APLF: variants seen among roughly 807,000 people sequenced by gnomAD.
APLF encodes aprataxin and PNK-like factor.
A neutral mutation model predicts 55.6 loss-of-function variants in APLF; 61 were observed. The observed-to-expected ratio is 1.10, with a 90% confidence interval of 0.89 to 1.36. The LOEUF (loss-of-function observed/expected upper bound fraction) is 1.36. APLF is among the 40% of genes most tolerant of loss of function. The pLI, the probability that APLF is intolerant of heterozygous loss-of-function variation, is 0.00. For synonymous variants in APLF, 207 were observed against 214.8 expected, an observed-to-expected ratio of 0.96 and a Z score of 0.32; for missense variants, 611 against 602.5, an observed-to-expected ratio of 1.01 and a Z score of -0.15.
chr2:68,513,328 G>A, intron 4 of APLF, 101 bp downstream of exon 4: 2 of 1,371,472 alleles, frequency 1.5e-6, no homozygotes, highest in East Asian at 2.4e-5. Context: ...AATATTGCCA[G>A]CATTTATCTA....
At chr2:68,489,480 C>A (rs1247165233) in intron 1 of APLF, among the ~76,000 whole-genome samples, 1 of 152,228 alleles carries the variant, frequency 6.6e-6, no homozygotes, top group Non-Finnish European at 1.5e-5. Flanking sequence ...TTGATTGGCA[C>A]TGTCAGCATT....
intron 8 of APLF, among the ~76,000 whole-genome samples, chr2:68,554,233 T>C (rs1670945891): frequency 1.3e-5 from 2 of 152,058 alleles, no homozygotes; most frequent in Admixed American, 1.3e-4. Flanking sequence ...ATGTATACCA[T>C]AGTAAAAATA....
chr2:68,544,642 C>T (rs1178752214), intron 7 of APLF, among the ~76,000 whole-genome samples: 1 of 152,076 alleles, frequency 6.6e-6, no homozygotes, highest in African/African-American at 2.4e-5. Flanking sequence ...CAAAAGCTCT[C>T]TGGAGTTTTA....
intron 5 of APLF, among the ~76,000 whole-genome samples, chr2:68,525,389 A>G (rs1670009903): frequency 6.6e-6 from 1 of 152,190 alleles, no homozygotes; most frequent in African/African-American, 2.4e-5. Flanking sequence ...GGATAGCTAT[A>G]AGTCAGATTT....
intron 1 of APLF, among the ~76,000 whole-genome samples, chr2:68,471,841 C>T (rs1345243939): frequency 6.6e-6 from 1 of 152,008 alleles, no homozygotes; most frequent in Non-Finnish European, 1.5e-5. Context: ...TTATTCTGAG[C>T]CAAATATGAG....
intron 9 of APLF, among the ~76,000 whole-genome samples, chr2:68,567,849 G>A (rs1269417570): frequency 1.3e-5 from 2 of 152,202 alleles, no homozygotes; most frequent in East Asian, 1.9e-4. Flanking sequence ...GGGACTTTAT[G>A]TGTCCTTATT....
intron 8 of APLF, among the ~76,000 whole-genome samples, chr2:68,557,940 G>A (rs1198691861): frequency 6.6e-6 from 1 of 151,466 alleles, no homozygotes; most frequent in Non-Finnish European, 1.5e-5. Context: ...AAAGTTGATA[G>A]CACCTTAATC....
At chr2:68,560,147 AT>A (rs1437230243) in intron 8 of APLF, among the ~76,000 whole-genome samples, 1 of 151,978 alleles carries the variant, frequency 6.6e-6, no homozygotes, top group East Asian at 1.9e-4. Flanking sequence ...ATCACTCTCT[AT>A]ATCCTTCTCT....
intron 1 of APLF, among the ~76,000 whole-genome samples, chr2:68,470,575 A>T (rs920079433): frequency 2.0e-5 from 3 of 152,226 alleles, no homozygotes; most frequent in Non-Finnish European, 4.4e-5. Flanking sequence ...ACAGTACGAC[A>T]TGTCAAGCAC....
At chr2:68,559,711 C>G (rs889069955) in intron 8 of APLF, among the ~76,000 whole-genome samples, 1 of 152,124 alleles carries the variant, frequency 6.6e-6, no homozygotes, top group Non-Finnish European at 1.5e-5. Context: ...CTCTACCACC[C>G]CAGTCATAAC....
intron 5 of APLF, among the ~76,000 whole-genome samples, chr2:68,519,048 A>ATATAATATATTAT (rs1669801960): frequency 1.2e-4 from 15 of 127,738 alleles, no homozygotes; most frequent in South Asian, 2.2e-4. Flanking sequence ...ATATAATAAT[A>ATATAATATATTAT]TAATATATAA....
At chr2:68,568,330 A>G in intron 9 of APLF, 3 of 984,292 alleles carry the variant, frequency 3.0e-6, no homozygotes, top group Non-Finnish European at 3.6e-6. Context: ...ATGTGCATAC[A>G]AACAGCTGAC....
intron 8 of APLF, among the ~76,000 whole-genome samples, chr2:68,551,603 C>CTTTT (rs70954311): frequency 3.5e-4 from 41 of 115,748 alleles, no homozygotes; most frequent in African/African-American, 8.8e-4. Flanking sequence ...TCTTCTTCTT[C>CTTTT]TTTTTTTTTT....
At chr2:68,545,395 A>C in intron 8 of APLF, 83 bp downstream of exon 8, 1 of 1,443,158 alleles carries the variant, frequency 6.9e-7, no homozygotes, top group Non-Finnish European at 9.2e-7. Context: ...GCAGCTTGTT[A>C]TCTCAAGCCT....
chr2:68,519,678 G>GTATA (rs112217560), intron 5 of APLF, among the ~76,000 whole-genome samples: 6 of 148,136 alleles, frequency 4.1e-5, no homozygotes, highest in African/African-American at 9.9e-5. Context: ...ATAAATATAT[G>GTATA]TATATATATA....
rs1671706853 is a variant in APLF at position 68,579,330 on chromosome 2, T to C, written c.*1308T>C. The C allele has an allele frequency of 1.1e-6, 1 of 943,334 alleles. No individual in the cohort carries two copies. Among genetic ancestry groups the C allele is most frequent in the Admixed American group, 6.2e-5 (1 of 16,180 alleles). The allele number at this position is 943,334 out of a possible 1,614,324, so 58.4% of individuals were successfully genotyped here. On this transcript the variant is annotated 3_prime_UTR_variant, in exon 10 of 10. Transcript: ENST00000303795. ...GTTATTTGGGAACTATTTTTCCCCT[T>C]ATAATGTCCCTTTAGCCTTGGTAGT...
chr2:68,485,102 T>C (rs1161488621), intron 1 of APLF, among the ~76,000 whole-genome samples: 1 of 152,148 alleles, frequency 6.6e-6, no homozygotes, highest in Non-Finnish European at 1.5e-5. Context: ...AGCTATATTC[T>C]GTTATTATAT....
At chr2:68,515,777 A>G (rs879483281) in intron 5 of APLF, 3 of 963,530 alleles carry the variant, frequency 3.1e-6, no homozygotes, top group South Asian at 4.8e-5. Context: ...GAAGTACTTT[A>G]TAAGAACAAG....
chr2:68,578,761 G>C lies in APLF; in HGVS notation c.*739G>C. 1 of 985,090 alleles carries C rather than the reference G, an allele frequency of 1.0e-6. No homozygotes were observed. Among genetic ancestry groups the C allele is most frequent in the East Asian group, 1.1e-4 (1 of 8,814 alleles). The allele number at this position is 985,090 out of a possible 1,614,324, so 61.0% of individuals were successfully genotyped here. ...TGATTATTTTAACTCTCAGTGTGCT[G>C]TCTTTATATTAAGAATAGAGAAACG... On this transcript the variant is annotated 3_prime_UTR_variant, in exon 10 of 10. Transcript: ENST00000303795.
Sources: gnomAD v4.1 joint callset for allele counts (sites outside exome capture counted in the v4.1 genomes callset) on GRCh38, gnomAD v4.1.1 for gene constraint, MANE v1.5 for transcripts, NCBI Gene and HGNC (gene_info 2026-07-23, HGNC 2026-07-21) for gene names.